The following CELF2 variants were observed in gnomAD, a reference collection of about 807,000 sequenced individuals.
CELF2 encodes CUG triplet repeat RNA-binding protein 2.
A neutral mutation model predicts 62.6 loss-of-function variants in CELF2; 8 were observed. That is an observed-to-expected ratio of 0.13 (90% CI 0.07 to 0.23). The LOEUF (loss-of-function observed/expected upper bound fraction) is 0.23. CELF2 is among the 10% of genes least tolerant of loss of function. The probability of loss-of-function intolerance (pLI) is 1.00; values close to 1 mark genes in which losing one functional copy is unlikely to be tolerated. For synonymous variants in CELF2, 258 were observed against 250.0 expected, an observed-to-expected ratio of 1.03 and a Z score of -0.30; for missense variants, 333 against 671.0, an observed-to-expected ratio of 0.50 and a Z score of 5.56.
At chr10:11,137,556 A>G (rs892996844) in intron 1 of CELF2, among the ~76,000 whole-genome samples, 12 of 152,230 alleles carry the variant, frequency 7.9e-5, no homozygotes, top group Non-Finnish European at 1.5e-4. Context: ...GAGTAATAGT[A>G]CTTATCTGAT....
At position 11,328,210 on chromosome 10, in the gene CELF2, A is replaced by G. The variant is rs1318572919; in HGVS notation, c.1439-716A>G. Among the ~76,000 whole-genome samples, 2 of 152,160 alleles carry G rather than the reference A, an allele frequency of 1.3e-5. No individual in the cohort carries two copies. The highest frequency in any genetic ancestry group is 2.4e-5 in the African/African-American group (1 of 41,436). On this transcript the variant is annotated intron_variant, in intron 12 of 12. Coordinates refer to ENST00000633077, the MANE Select transcript of CELF2 (RefSeq NM_001326342.2). This position sits in a 1 kb window ranked among gnomAD's most constrained non-coding sequence, Gnocchi z 6.4. The stretch of plus-strand genomic sequence containing the variant: ...AGACTTTGGGAGATGCCAGGGAGCA[A>G]TTTCCTTTCTGCTGAATTTACTGGA...
chr10:10,534,383 A>G, the CELF2 span, among the ~76,000 whole-genome samples: 1 of 152,190 alleles, frequency 6.6e-6, no homozygotes, highest in Non-Finnish European at 1.5e-5. Context: ...AGACCGGAGT[A>G]TGTTTGCTGA....
At chr10:10,779,133 C>G in the CELF2 span, among the ~76,000 whole-genome samples, 2 of 152,212 alleles carry the variant, frequency 1.3e-5, no homozygotes, top group Non-Finnish European at 2.9e-5. Flanking sequence ...TGTATCATCT[C>G]TCCATGACTA....
At position 10,826,182 on chromosome 10, in the gene CELF2, C is replaced by A. The variant is rs545257244; in HGVS notation, c.53+27365C>A. On this transcript the variant is annotated intron_variant, in intron 1 of 13. Transcript: ENST00000636488. ...GTGATTGGATGGGGCAAAAAAAAAACAATCCTTAGTTTTTCCTGGATGCCC... is the reference window on the plus strand; with the variant it reads ...GTGATTGGATGGGGCAAAAAAAAAAAAATCCTTAGTTTTTCCTGGATGCCC... Among the ~76,000 whole-genome samples the A allele has an allele frequency of 6.1e-4, 92 of 150,918 alleles. No homozygotes were observed. The South Asian group carries it at 0.018, about 30-fold the overall frequency.
chr10:10,789,015 G>A, the CELF2 span: 16 of 152,018 alleles, frequency 1.1e-4, no homozygotes, highest in African/African-American at 3.4e-4. Flanking sequence ...TCCTGTGGCT[G>A]GTCTTCAATT....
intron 9 of CELF2, among the ~76,000 whole-genome samples, chr10:11,298,976 A>G (rs967388931): frequency 1.2e-4 from 18 of 152,316 alleles, no homozygotes; most frequent in African/African-American, 4.3e-4. Flanking sequence ...GTATCTCCCC[A>G]CCTTTCCTTT....
intron 1 of CELF2, among the ~76,000 whole-genome samples, chr10:10,819,913 C>T (rs1241934981): frequency 1.3e-5 from 2 of 152,044 alleles, no homozygotes; most frequent in African/African-American, 4.8e-5. Context: ...CTTCTCTGTA[C>T]CTGATACTGT....
chr10:11,086,905 G>C (rs1383828567), intron 1 of CELF2, among the ~76,000 whole-genome samples: 1 of 152,156 alleles, frequency 6.6e-6, no homozygotes, highest in Non-Finnish European at 1.5e-5. Flanking sequence ...AGCAACCACT[G>C]AGGGCAAAAT....
At chr10:11,069,179 G>T (rs546099894) in intron 1 of CELF2, among the ~76,000 whole-genome samples, 14 of 152,078 alleles carry the variant, frequency 9.2e-5, no homozygotes, top group South Asian at 2.1e-4. Context: ...TTTCAAGCAG[G>T]TATAAAAGAA....
the CELF2 span, among the ~76,000 whole-genome samples, chr10:10,743,224 C>T: frequency 6.6e-6 from 1 of 152,170 alleles, no homozygotes; most frequent in African/African-American, 2.4e-5. Context: ...CATGGATGCT[C>T]ACTATGATTT....
chr10:11,261,137 A>T (rs2080414460), intron 5 of CELF2, among the ~76,000 whole-genome samples: 1 of 152,216 alleles, frequency 6.6e-6, no homozygotes, highest in South Asian at 2.1e-4. Context: ...ATGGTGAGGG[A>T]GAGGGTGCAG....
the CELF2 span, among the ~76,000 whole-genome samples, chr10:10,734,716 C>T: frequency 6.6e-6 from 1 of 152,180 alleles, no homozygotes; most frequent in Non-Finnish European, 1.5e-5. Context: ...CTGTCTTAAT[C>T]TATTGTGGTC....
In CELF2 at chr10:11,046,047, G is replaced by A. The variant is rs544697172; in HGVS notation, c.74+27884G>A. Among the ~76,000 whole-genome samples, 4 of 152,184 alleles carry A rather than the reference G, an allele frequency of 2.6e-5. No individual in the cohort carries two copies. In the East Asian group the frequency reaches 7.7e-4, roughly 29 times the overall value. On this transcript the variant is annotated intron_variant, in intron 1 of 12. Transcript: ENST00000633077. This position sits in a 1 kb window ranked among gnomAD's most constrained non-coding sequence, Gnocchi z 4.6. ...GGTTTGTTTTTAAAGGCAACGACTC[G>A]CTCATGAAGAGTTTGAACATACAGG...
chr10:10,545,175 G>A, the CELF2 span, among the ~76,000 whole-genome samples: 30,121 of 152,126 alleles, frequency 0.2, 3,734 homozygotes, highest in Non-Finnish European at 0.28. Flanking sequence ...TATTTTTAAC[G>A]TAAAGATGCC....
chr10:10,776,196 GTTCAGT>G, the CELF2 span: 2 of 153,192 alleles, frequency 1.3e-5, no homozygotes, highest in Admixed American at 1.3e-4. Context: ...AAAAATTTTT[GTTCAGT>G]TTCAAACGTT....
intron 1 of CELF2, among the ~76,000 whole-genome samples, chr10:10,869,075 CT>C (rs2060563117): frequency 6.6e-6 from 1 of 152,074 alleles, no homozygotes; most frequent in Non-Finnish European, 1.5e-5. Context: ...AAAGCAAAAA[CT>C]TTTTTTCCAT....
intron 1 of CELF2, among the ~76,000 whole-genome samples, chr10:10,840,328 A>C (rs1384566513): frequency 1.3e-5 from 2 of 152,230 alleles, no homozygotes; most frequent in African/African-American, 4.8e-5. Context: ...TTTCACCAGC[A>C]ATGAATGAGA....
chr10:10,847,657 T>C (rs771498622), intron 1 of CELF2, among the ~76,000 whole-genome samples: 2 of 152,242 alleles, frequency 1.3e-5, no homozygotes, highest in Non-Finnish European at 2.9e-5. Context: ...GGTTTCTGTA[T>C]GCAAGAGCGT....
chr10:11,035,259 A>G (rs998085109), intron 1 of CELF2, among the ~76,000 whole-genome samples: 1 of 152,252 alleles, frequency 6.6e-6, no homozygotes, highest in Non-Finnish European at 1.5e-5. Context: ...CCTTATACAT[A>G]GAAAAGCTAT....
Sources: gnomAD v4.1 joint callset for allele counts (sites outside exome capture counted in the v4.1 genomes callset) on GRCh38, gnomAD v4.1.1 for gene constraint, Gnocchi (gnomAD v3.1) non-coding constraint, MANE v1.5 for transcripts, NCBI Gene and HGNC (gene_info 2026-07-23, HGNC 2026-07-21) for gene names.